SEH1L: variants seen among roughly 807,000 people sequenced by gnomAD.
The protein encoded by SEH1L is nucleoporin SEH1.
A neutral mutation model predicts 49.5 loss-of-function variants in SEH1L; 18 were observed. That is an observed-to-expected ratio of 0.36 (90% CI 0.25 to 0.54). The LOEUF is 0.54. SEH1L is among the 20% of genes least tolerant of loss of function. The pLI is 0.87. For missense variants in SEH1L, 404 were observed against 528.8 expected (o/e 0.76, Z 2.31); for synonymous variants, 169 against 178.1 (o/e 0.95, Z 0.41).
chr18:12,949,374 C>T (rs2030350740), intron 1 of SEH1L, among the ~76,000 whole-genome samples: 1 of 144,472 alleles, frequency 6.9e-6, no homozygotes, highest in Non-Finnish European at 1.5e-5. Context: ...AATAGTGTTG[C>T]AATTTTTAAA....
chr18:12,963,416 A>T lies in SEH1L; in HGVS notation c.521+45A>T, dbSNP rs1461844866. On this transcript the variant is annotated intron_variant, in intron 4 of 8. Coordinates refer to ENST00000399892, the MANE Select transcript of SEH1L (RefSeq NM_001013437.2). ...CTCTGATAACATCCTAGTAAAATAA[A>T]CTAGTAACTTTTAAGCTAACAATTT... 2.1e-6 allele frequency: 3 copies of T among 1,423,742 alleles called. No individual in the cohort carries two copies. In the African/African-American group the frequency reaches 4.2e-5, roughly 20 times the overall value. 88.2% of individuals were successfully genotyped at this position (1,423,742 alleles called of 1,614,324 possible).
At chr18:12,979,795 G>A (rs1203858311) in intron 6 of SEH1L, among the ~76,000 whole-genome samples, 1 of 142,448 alleles carries the variant, frequency 7.0e-6, no homozygotes, top group Admixed American at 6.8e-5. Context: ...CGGGCAGAGG[G>A]GCTCCTCACT....
chr18:12,984,336 T>A, intron 8 of SEH1L, 146 bp downstream of exon 8: 2 of 902,154 alleles, frequency 2.2e-6, no homozygotes, highest in East Asian at 2.4e-5. Context: ...TTCATTTTGT[T>A]AGCTATGTAT....
In SEH1L at chr18:12,954,293, C is replaced by T. The variant is rs528997725; in HGVS notation, c.163-1170C>T. On this transcript the variant is annotated intron_variant, in intron 2 of 8. Transcript: ENST00000399892. The stretch of plus-strand genomic sequence containing the variant: ...GTGAAATTCTTTAAGACCTTTGTAT[C>T]CCTTCTCCAGCCACCTCCCCTCCCA... Among the ~76,000 whole-genome samples, 7 of 152,288 alleles carry T rather than the reference C, an allele frequency of 4.6e-5. No individual in the cohort carries two copies. The South Asian group carries it at 1.4e-3, about 32-fold the overall frequency.
At chr18:12,984,222 T>C (rs766262328) in intron 8 of SEH1L, 32 bp downstream of exon 8, 15 of 1,605,002 alleles carry the variant, frequency 9.3e-6, no homozygotes, top group Non-Finnish European at 1.3e-5. Flanking sequence ...CTGGAAATCA[T>C]CTTTGTTTTA....
intron 8 of SEH1L, chr18:12,985,743 ACT>A (rs2032434130): frequency 1.0e-6 from 1 of 953,066 alleles, no homozygotes; most frequent in Non-Finnish European, 1.2e-6. Flanking sequence ...TGATTTGTTT[ACT>A]TTTTGTAGAT....
At chr18:12,955,648 T>A (rs376872225) in intron 3 of SEH1L, 39 bp downstream of exon 3, 64 of 1,605,484 alleles carry the variant, frequency 4.0e-5, no homozygotes, top group Non-Finnish European at 5.2e-5. Flanking sequence ...CGGGAAGACA[T>A]GAGCAGCCAA....
Position 12,985,151 on chromosome 18 carries a change from T to A in SEH1L, c.1070+961T>A. 2.1e-6 allele frequency: 3 copies of A among 1,402,864 alleles called. No homozygotes were observed. In the South Asian group the frequency reaches 3.9e-5, roughly 18 times the overall value. 86.9% of individuals were successfully genotyped at this position (1,402,864 alleles called of 1,614,324 possible). A position where few individuals can be genotyped will look rare whatever the true frequency, so the allele number is the denominator to read the frequency against. ...TTCTTTTGTAAATAGCTTCTATTTT[T>A]TGATCTGTATTCTTATTGTGCCAAT... On this transcript the variant is annotated intron_variant, in intron 8 of 8. Transcript: ENST00000399892.
chr18:12,951,610 C>T (rs2030532859), intron 1 of SEH1L, among the ~76,000 whole-genome samples: 1 of 152,192 alleles, frequency 6.6e-6, no homozygotes, highest in Non-Finnish European at 1.5e-5. Context: ...AGGCTGGTCT[C>T]GAACTCCTGA....
chr18:12,962,459 CTTTTTTTTTTT>C (rs3070220), intron 3 of SEH1L, among the ~76,000 whole-genome samples: 5 of 63,654 alleles, frequency 7.9e-5, no homozygotes, highest in African/African-American at 2.0e-4. Context: ...GCATGCCTTT[CTTTTTTTTTTT>C]TTTTTTTTTT....
At chr18:12,969,192 A>G (rs1228933528) in intron 4 of SEH1L, among the ~76,000 whole-genome samples, 1 of 139,736 alleles carries the variant, frequency 7.2e-6, no homozygotes, top group Admixed American at 7.4e-5. Flanking sequence ...CTGGGCATCA[A>G]GAGCAAAACT....
At chr18:12,981,850 ATTTTTTTTTTTT>A (rs554886753) in intron 6 of SEH1L, among the ~76,000 whole-genome samples, 1 of 88,184 alleles carries the variant, frequency 1.1e-5, no homozygotes, top group Non-Finnish European at 2.0e-5. Context: ...TGCCCTGCCC[ATTTTTTTTTTTT>A]TTTTTTTTTT....
intron 3 of SEH1L, among the ~76,000 whole-genome samples, chr18:12,961,588 T>G (rs1377016946): frequency 1.3e-5 from 2 of 152,264 alleles, no homozygotes; most frequent in Non-Finnish European, 2.9e-5. Flanking sequence ...GTTTATGTAA[T>G]ATTATCCTTT....
chr18:12,971,884 T>A (rs2031720060), intron 5 of SEH1L: 1 of 152,236 alleles, frequency 6.6e-6, no homozygotes, highest in Admixed American at 6.6e-5. Context: ...GAAAACTGCA[T>A]GTGGTAAGGC....
In SEH1L at chr18:12,985,735, A is replaced by T. The variant is rs896326025; in HGVS notation, c.1071-1127A>T. The T allele has an allele frequency of 2.1e-5, 20 of 952,314 alleles. No individual in the cohort carries two copies. In the African/African-American group the frequency reaches 2.8e-4, roughly 13 times the overall value. 59.0% of individuals were successfully genotyped at this position (952,314 alleles called of 1,614,324 possible). A position where few individuals can be genotyped will look rare whatever the true frequency, so the allele number is the denominator to read the frequency against. ...TTTATAAAGATTGTTTTGAGTGCTG[A>T]TTTGTTTACTTTTTGTAGATTTGCT... On this transcript the variant is annotated intron_variant, in intron 8 of 8. Transcript: ENST00000399892.
intron 1 of SEH1L, among the ~76,000 whole-genome samples, chr18:12,949,545 C>G (rs1331017668): frequency 6.8e-6 from 1 of 147,360 alleles, no homozygotes; most frequent in South Asian, 2.1e-4. Flanking sequence ...CTCCGCCTCC[C>G]GGGTTCACGC....
Position 12,948,087 on chromosome 18 carries a change from C to G in SEH1L, c.-35C>G, listed in dbSNP as rs1180623168. ...CGCGCCGCCGCCGCTGCCGCCGCCA[C>G]TGTCCTCTTCGGAGGCGCGGGCCCG... On this transcript the variant is annotated 5_prime_UTR_variant, in exon 1 of 9. Coordinates refer to ENST00000399892, the MANE Select transcript of SEH1L (RefSeq NM_001013437.2). 6.5e-7 allele frequency: 1 copy of G among 1,549,278 alleles called. No homozygotes were observed. Among genetic ancestry groups the G allele is most frequent in the East Asian group, 2.3e-5 (1 of 43,956 alleles).
intron 3 of SEH1L, among the ~76,000 whole-genome samples, chr18:12,961,945 C>T (rs980715661): frequency 2.4e-4 from 36 of 152,144 alleles, no homozygotes; most frequent in African/African-American, 8.4e-4. Context: ...GGATTACAGG[C>T]GTGAGCTACT....
chr18:12,957,770 C>G (rs536772425), intron 3 of SEH1L, among the ~76,000 whole-genome samples: 4 of 152,150 alleles, frequency 2.6e-5, no homozygotes, highest in Non-Finnish European at 4.4e-5. Context: ...CATGATACTA[C>G]GTTAGAGCCA....
Sources: allele counts gnomAD v4.1 joint callset (sites outside exome capture counted in the v4.1 genomes callset), GRCh38; gene constraint gnomAD v4.1.1; transcripts MANE v1.5; gene names NCBI Gene and HGNC (gene_info 2026-07-23, HGNC 2026-07-21).